The following PDZD8 variants were observed in gnomAD, a reference collection of about 807,000 sequenced individuals.
The protein encoded by PDZD8 is PDZ domain containing 8.
A neutral mutation model predicts 85.8 loss-of-function variants in PDZD8; 14 were observed. That is an observed-to-expected ratio of 0.16 (90% CI 0.11 to 0.26). The LOEUF is 0.26. Ranked by LOEUF, PDZD8 falls within the 10% of genes least tolerant of loss-of-function variation. The pLI is 1.00. For synonymous variants in PDZD8, 592 were observed against 568.6 expected, an observed-to-expected ratio of 1.04 and a Z score of -0.59; for missense variants, 1,197 against 1,424.3, an observed-to-expected ratio of 0.84 and a Z score of 2.57.
chr10:117,309,184 C>T (rs537293268), intron 3 of PDZD8, among the ~76,000 whole-genome samples: 12 of 152,022 alleles, frequency 7.9e-5, no homozygotes, highest in Non-Finnish European at 1.6e-4. Context: ...TTCTGAGAAA[C>T]AGAACCTAAA....
At chr10:117,373,159 C>T (rs56962759) in intron 1 of PDZD8, among the ~76,000 whole-genome samples, 2,068 of 152,150 alleles carry the variant, frequency 0.014, 47 homozygotes, top group African/African-American at 0.046. Flanking sequence ...AAAGTCTTTC[C>T]CCTTCCACTC....
intron 3 of PDZD8, among the ~76,000 whole-genome samples, chr10:117,316,767 T>C (rs537837690): frequency 2.0e-5 from 3 of 152,310 alleles, no homozygotes; most frequent in African/African-American, 7.2e-5. Context: ...CATTCATAAC[T>C]CCGTTTCTCC....
intron 2 of PDZD8, among the ~76,000 whole-genome samples, chr10:117,333,649 T>C (rs1844468518): frequency 6.6e-6 from 1 of 152,230 alleles, no homozygotes; most frequent in Non-Finnish European, 1.5e-5. Flanking sequence ...TTATAACTAC[T>C]AAAATAGCTC....
chr10:117,306,513 CTT>C (rs1158301517), intron 3 of PDZD8, among the ~76,000 whole-genome samples: 3 of 152,046 alleles, frequency 2.0e-5, no homozygotes, highest in African/African-American at 4.8e-5. Flanking sequence ...CACTCTTGCC[CTT>C]TTTAATTCCT....
intron 1 of PDZD8, among the ~76,000 whole-genome samples, chr10:117,351,638 C>G (rs12414644): frequency 0.15 from 22,636 of 152,088 alleles, 1,971 homozygotes; most frequent in East Asian, 0.41. Flanking sequence ...CTGATTAGTA[C>G]ACTTTTCAGG....
chr10:117,295,160 C>CCA (rs1364740288), intron 3 of PDZD8, among the ~76,000 whole-genome samples: 16 of 151,778 alleles, frequency 1.1e-4, no homozygotes, highest in Non-Finnish European at 2.1e-4. Flanking sequence ...ACAAAAAAAA[C>CCA]CCACCACCAC....
At chr10:117,354,103 C>T (rs1345896956) in intron 1 of PDZD8, among the ~76,000 whole-genome samples, 1 of 152,202 alleles carries the variant, frequency 6.6e-6, no homozygotes, top group South Asian at 2.1e-4. Context: ...TATCCCCATT[C>T]CCTCCATTCA....
chr10:117,286,535 G>A (rs1330435402), intron 4 of PDZD8, among the ~76,000 whole-genome samples: 1 of 152,188 alleles, frequency 6.6e-6, no homozygotes, highest in Admixed American at 6.5e-5. Context: ...TGTCTGGGAA[G>A]ATCAGGCTTT....
intron 3 of PDZD8, among the ~76,000 whole-genome samples, chr10:117,309,502 C>T (rs1253979346): frequency 6.6e-6 from 1 of 152,006 alleles, no homozygotes; most frequent in Non-Finnish European, 1.5e-5. Flanking sequence ...AGAATGAGAT[C>T]CTCTTTCTCC....
intron 4 of PDZD8, among the ~76,000 whole-genome samples, chr10:117,286,138 T>C (rs1844659784): frequency 6.6e-6 from 1 of 152,242 alleles, no homozygotes; most frequent in African/African-American, 2.4e-5. Context: ...TTGTTTTTAT[T>C]TTTCTTATTT....
chr10:117,341,909 A>G (rs1377407322), intron 1 of PDZD8, among the ~76,000 whole-genome samples: 1 of 152,194 alleles, frequency 6.6e-6, no homozygotes, highest in Non-Finnish European at 1.5e-5. Flanking sequence ...AGAGATGTTT[A>G]CTATTTGCCA....
In PDZD8 at chr10:117,365,269, A is replaced by G. The variant is rs112493925; in HGVS notation, c.872+9087T>C. ...GGTTAACTTATGGTACTAATGGTCAATGTAATTATAAGCATCTGTTAGAAC... is the reference window on the plus strand; with the variant it reads ...GGTTAACTTATGGTACTAATGGTCAGTGTAATTATAAGCATCTGTTAGAAC... On this transcript the variant is annotated intron_variant, in intron 1 of 4. Coordinates refer to ENST00000334464, the MANE Select transcript of PDZD8 (RefSeq NM_173791.5). Among the ~76,000 whole-genome samples, 587 of 152,330 alleles carry G rather than the reference A, an allele frequency of 3.9e-3. 4 individuals carry two copies. The highest frequency in any genetic ancestry group is 0.013 in the African/African-American group (556 of 41,584).
intron 2 of PDZD8, among the ~76,000 whole-genome samples, chr10:117,339,719 T>G (rs138452628): frequency 6.6e-6 from 1 of 152,356 alleles, no homozygotes; most frequent in African/African-American, 2.4e-5. Flanking sequence ...AGTTGTATAG[T>G]TGCAACAGAG....
chr10:117,319,433 ACT>A (rs1203724069), intron 2 of PDZD8, among the ~76,000 whole-genome samples: 2,791 of 22,962 alleles, frequency 0.12, 65 homozygotes, highest in Middle Eastern at 0.2. Context: ...ACACACACAC[ACT>A]CTTCATCTAC....
rs1165687635 is a variant in PDZD8, at chr10:117,282,380, A to AT, written c.*887dup. The AT allele has an allele frequency of 3.3e-5, 5 of 152,192 alleles. No individual in the cohort carries two copies. Among genetic ancestry groups the AT allele is most frequent in the African/African-American group, 9.6e-5 (4 of 41,462 alleles). The allele number at this position is 152,192 out of a possible 1,614,324, so 9.4% of individuals were successfully genotyped here. On this transcript the variant is annotated 3_prime_UTR_variant, in exon 5 of 5. Transcript: ENST00000334464. ...ATCATAAATGTTTAAACTTTTAATT[A>AT]TAAAATTTAAATTTCCATTTAAAAG...
intron 2 of PDZD8, among the ~76,000 whole-genome samples, chr10:117,332,534 T>G (rs972837263): frequency 7.2e-6 from 1 of 139,070 alleles, no homozygotes; most frequent in African/African-American, 2.7e-5. Flanking sequence ...GAGACTGAGT[T>G]CTGCTCTTGT....
At position 117,284,683 on chromosome 10, in the gene PDZD8, T is replaced by C; in HGVS notation, c.2050A>G (p.Ile684Val). ...DDRQTWESSE[I>V]LYRNKLGKWT... ...TTTCCTAGCTTATTACGATAAAGAATTTCTGATGATTCCCATGTTTGACGG... is the reference window on the plus strand; with the variant it reads ...TTTCCTAGCTTATTACGATAAAGAACTTCTGATGATTCCCATGTTTGACGG... Residue 684 changes from isoleucine (I) to valine (V), a missense_variant, in exon 5 of 5, where the codon ATT (isoleucine) becomes GTT (valine). By Grantham distance (29) the Ile-to-Val change is conservative. Coordinates refer to ENST00000334464, the MANE Select transcript of PDZD8 (RefSeq NM_173791.5). 6.2e-7 allele frequency: 1 copy of C among 1,614,204 alleles called. No individual in the cohort carries two copies. Among genetic ancestry groups the C allele is most frequent in the Non-Finnish European group, 8.5e-7 (1 of 1,180,034 alleles).
intron 2 of PDZD8, among the ~76,000 whole-genome samples, chr10:117,319,606 A>G (rs1844194087): frequency 6.6e-6 from 1 of 152,152 alleles, no homozygotes; most frequent in Non-Finnish European, 1.5e-5. Context: ...CTAAGTGCTC[A>G]ATAAATGTTA....
At position 117,341,065 on chromosome 10, in the gene PDZD8, A is replaced by G; in HGVS notation, c.910T>C (p.Phe304Leu). The stretch of plus-strand genomic sequence containing the variant: ...TGGATATGCTCTTCATCTTCTTCAA[A>G]TCCTTGCAAGGTCTGGTATGGAAAA... ...PFFPYQTLQG[F>L]EEDEEHIHIQ... is the part of the protein sequence containing the mutation. Residue 304 changes from phenylalanine to leucine, a missense_variant, in exon 2 of 5, where the codon TTT becomes CTT. Phe to Leu is a conservative substitution (Grantham distance 22). Around this residue, in one of 4 missense-constraint regions of PDZD8, gnomAD observed 344 missense variants for 453.6 expected, o/e 0.76. Transcript: ENST00000334464. The G allele has an allele frequency of 6.2e-7, 1 of 1,613,810 alleles. No individual in the cohort carries two copies. Among genetic ancestry groups the G allele is most frequent in the Non-Finnish European group, 8.5e-7 (1 of 1,179,726 alleles).
Sources: gnomAD v4.1 joint callset for allele counts (sites outside exome capture counted in the v4.1 genomes callset) on GRCh38, gnomAD v4.1.1 for gene constraint, gnomAD v4.1.1 regional missense constraint, MANE v1.5 for transcripts, NCBI Gene and HGNC (gene_info 2026-07-23, HGNC 2026-07-21) for gene names.